The following LAMC1 variants were observed in gnomAD, a reference collection of about 807,000 sequenced individuals.
LAMC1 encodes laminin subunit gamma 1, also known as laminin subunit gamma-1.
Under a neutral mutation model 173.6 loss-of-function variants are expected in LAMC1, and 38 were observed. The observed-to-expected ratio is 0.22, with a 90% CI of 0.17 to 0.29. LAMC1 has a LOEUF of 0.29. Ranked by LOEUF, LAMC1 falls within the 10% of genes least tolerant of loss-of-function variation. The pLI, the probability that LAMC1 is intolerant of heterozygous loss-of-function variation, is 1.00. For missense variants in LAMC1, 1,824 were observed against 2,051.8 expected (o/e 0.89, Z 2.14); for synonymous variants, 746 against 749.1 (o/e 1.00, Z 0.07).
At chr1:183,116,134 A>AAG (rs1656314462) in intron 6 of LAMC1, among the ~76,000 whole-genome samples, 1 of 151,330 alleles carries the variant, frequency 6.6e-6, no homozygotes, top group Admixed American at 6.6e-5. Flanking sequence ...TGTCTCAAAA[A>AAG]AAAAAAAAAT....
chr1:183,106,399 C>T (rs980114671), intron 2 of LAMC1, among the ~76,000 whole-genome samples: 5 of 152,178 alleles, frequency 3.3e-5, no homozygotes, highest in Non-Finnish European at 4.4e-5. Context: ...GTGAAATCGT[C>T]GTCTCTTTTC....
intron 1 of LAMC1, chr1:183,096,709 G>T (rs1023980609): frequency 6.6e-6 from 1 of 152,190 alleles, no homozygotes; most frequent in Non-Finnish European, 1.5e-5. Flanking sequence ...GCATTTTTAA[G>T]TTGTGCTGAT....
chr1:183,107,009 G>A (rs550062047), intron 2 of LAMC1, among the ~76,000 whole-genome samples: 67 of 152,272 alleles, frequency 4.4e-4, no homozygotes, highest in Non-Finnish European at 7.8e-4. Context: ...GGGATCATTA[G>A]TATAGCATTC....
At chr1:183,090,878 GT>G in intron 1 of LAMC1, among the ~76,000 whole-genome samples, 1 of 152,090 alleles carries the variant, frequency 6.6e-6, no homozygotes, top group Non-Finnish European at 1.5e-5. Flanking sequence ...CAAGAGTGTT[GT>G]TTTCCTTGTC....
rs1657223804 is a variant in LAMC1, at chr1:183,145,182, T to C, written c.*2392T>C. The stretch of plus-strand genomic sequence containing the variant: ...GGTTTGGTTTCCTTTTAACTTTCTT[T>C]TTGTTATTTGCTTTTCTCCTCCACC... On this transcript the variant is annotated 3_prime_UTR_variant, in exon 28 of 28. Coordinates refer to ENST00000258341, the MANE Select transcript of LAMC1 (RefSeq NM_002293.4). The C allele has an allele frequency of 6.6e-6, 1 of 152,434 alleles. No individual in the cohort carries two copies. Among genetic ancestry groups the C allele is most frequent in the Non-Finnish European group, 1.5e-5 (1 of 68,032 alleles). 9.4% of individuals were successfully genotyped at this position (152,434 alleles called of 1,614,324 possible).
intron 1 of LAMC1, among the ~76,000 whole-genome samples, chr1:183,047,379 C>T (rs1654293090): frequency 6.6e-6 from 1 of 152,154 alleles, no homozygotes; most frequent in Non-Finnish European, 1.5e-5. Context: ...ATTTCTCAAG[C>T]TTCTGAGATA....
chr1:183,034,227 TATTTGAGATCAG>T (rs1484111665), intron 1 of LAMC1, among the ~76,000 whole-genome samples: 1 of 152,194 alleles, frequency 6.6e-6, no homozygotes, highest in African/African-American at 2.4e-5. Context: ...ATTCGTAATG[TATTTGAGATCAG>T]ACAAAAACAT....
intron 21 of LAMC1, 41 bp from the exon 22 acceptor site, chr1:183,133,365 G>C: frequency 6.4e-7 from 1 of 1,564,286 alleles, no homozygotes; most frequent in Non-Finnish European, 8.7e-7. Flanking sequence ...GATGCTAAAA[G>C]CAGCTAAGAT....
In LAMC1 at chr1:183,135,143, C is replaced by T. The variant is rs1656901084; in HGVS notation, c.4101C>T (p.Leu1367=). 6.2e-7 allele frequency: 1 copy of T among 1,609,604 alleles called. No homozygotes were observed. Among genetic ancestry groups the T allele is most frequent in the Non-Finnish European group, 8.5e-7 (1 of 1,175,992 alleles). ...CCTTACAAGAAGCTAATGACATTCT[C>T]AACAACCTGAAAGGTAGAAAAGGCT... ...RDTLQEANDI[L]NNLKDFDRRV... Residue 1367 remains leucine (L), a synonymous_variant, in exon 24 of 28, where the codon CTC becomes CTT. Coordinates refer to ENST00000258341, the MANE Select transcript of LAMC1 (RefSeq NM_002293.4).
intron 1 of LAMC1, among the ~76,000 whole-genome samples, chr1:183,086,737 A>G (rs1008755642): frequency 4.6e-5 from 7 of 152,246 alleles, no homozygotes; most frequent in Non-Finnish European, 8.8e-5. Context: ...TGAGTACAGA[A>G]TATTGGCAAA....
chr1:183,136,720 C>CT (rs11306131), intron 25 of LAMC1, 135 bp downstream of exon 25: 7,718 of 555,610 alleles, frequency 0.014, no homozygotes, highest in Middle Eastern at 0.018. Context: ...CCATATTTGT[C>CT]TTTTTTTTTT....
At chr1:183,046,881 G>A (rs769911398) in intron 1 of LAMC1, among the ~76,000 whole-genome samples, 1 of 152,004 alleles carries the variant, frequency 6.6e-6, no homozygotes, top group Non-Finnish European at 1.5e-5. Context: ...AATTTGATAG[G>A]TGAGATATGT....
intron 1 of LAMC1, among the ~76,000 whole-genome samples, chr1:183,071,577 GA>G (rs1655012514): frequency 6.6e-6 from 1 of 152,164 alleles, no homozygotes; most frequent in Admixed American, 6.5e-5. Flanking sequence ...GCAGAGCAGT[GA>G]AAAATTTGAG....
At position 183,130,424 on chromosome 1, in the gene LAMC1, C is replaced by T. The variant is rs780312979; in HGVS notation, c.3361C>T (p.Arg1121Trp). Reference protein sequence around the residue: ...SSQISRLQNIRNTIEETGNLA... With the variant: ...SSQISRLQNIWNTIEETGNLA... ...CCAAATTAGCCGTTTACAGAATATC[C>T]GGAATACCATTGAAGAGACTGGAAA... The change falls in exon 19 of 28, where the codon CGG becomes TGG. Residue 1121 changes from arginine to tryptophan, a missense_variant. Arg to Trp is a moderately radical substitution (Grantham distance 101). Coordinates refer to ENST00000258341, the MANE Select transcript of LAMC1 (RefSeq NM_002293.4). The T allele has an allele frequency of 3.7e-5, 60 of 1,614,052 alleles. No individual in the cohort carries two copies. The highest frequency in any genetic ancestry group is 1.7e-4 in the Middle Eastern group (1 of 6,060).
intron 1 of LAMC1, 55 bp downstream of exon 1, chr1:183,024,189 G>T: frequency 6.8e-7 from 1 of 1,480,806 alleles, no homozygotes; most frequent in South Asian, 1.4e-5. Flanking sequence ...CCAGCTCCCG[G>T]ACCGGCTCCG....
Position 183,115,566 on chromosome 1 carries a change from G to A in LAMC1, c.1257G>A (p.Lys419=), listed in dbSNP as rs367586892. 1.2e-6 allele frequency: 2 copies of A among 1,614,156 alleles called. No individual in the cohort carries two copies. The highest frequency in any genetic ancestry group is 2.2e-5 in the South Asian group (2 of 91,076). Residue 419 remains lysine (K), a synonymous_variant, in exon 6 of 28, where the codon AAG becomes AAA. Transcript: ENST00000258341. ...QCDSYGRCSC[K]PGVMGDKCDR... Reference sequence around the variant, plus strand: ...ATAGTTACGGCAGATGCAGCTGTAAGCCAGGAGTGATGGGGGACAAATGTG... The same window carrying A: ...ATAGTTACGGCAGATGCAGCTGTAAACCAGGAGTGATGGGGGACAAATGTG...
At chr1:183,094,123 C>A (rs1198945928) in intron 1 of LAMC1, among the ~76,000 whole-genome samples, 1 of 152,178 alleles carries the variant, frequency 6.6e-6, no homozygotes, top group African/African-American at 2.4e-5. Flanking sequence ...CTCCTAATAC[C>A]TTTCCACCTT....
intron 1 of LAMC1, among the ~76,000 whole-genome samples, chr1:183,090,041 T>G (rs1655526077): frequency 6.6e-6 from 1 of 152,240 alleles, no homozygotes; most frequent in South Asian, 2.1e-4. Flanking sequence ...AAGTAACTTT[T>G]GAAACAGTCA....
intron 1 of LAMC1, among the ~76,000 whole-genome samples, chr1:183,041,486 C>T (rs920691300): frequency 5.9e-5 from 9 of 152,164 alleles, no homozygotes; most frequent in African/African-American, 1.9e-4. Context: ...GTTTATACGT[C>T]CACTCACTTC....
Sources: allele counts gnomAD v4.1 joint callset (sites outside exome capture counted in the v4.1 genomes callset), GRCh38; gene constraint gnomAD v4.1.1; transcripts MANE v1.5; gene names NCBI Gene and HGNC (gene_info 2026-07-23, HGNC 2026-07-21).